LMX1A: variants seen among roughly 807,000 people sequenced by gnomAD.
LMX1A encodes the protein LIM homeobox transcription factor 1 alpha.
Under a neutral mutation model 49.1 loss-of-function variants are expected in LMX1A, and 15 were observed. The ratio of observed to expected loss-of-function variants is 0.31; its 90% confidence interval spans 0.20 to 0.47. The LOEUF (loss-of-function observed/expected upper bound fraction) is 0.47, where lower values mean the gene tolerates loss of function less well. LMX1A is among the 20% of genes least tolerant of loss of function. LMX1A has a pLI of 1.00. For missense variants in LMX1A, 372 were observed against 475.8 expected, an observed-to-expected ratio of 0.78 and a Z score of 2.03; for synonymous variants, 167 against 185.7, an observed-to-expected ratio of 0.90 and a Z score of 0.82.
chr1:165,237,635 A>G (rs549397599), intron 4 of LMX1A, among the ~76,000 whole-genome samples: 5 of 152,316 alleles, frequency 3.3e-5, no homozygotes, highest in African/African-American at 9.6e-5. Flanking sequence ...GCAAACCTGG[A>G]ATTGGAACAC....
Position 165,331,649 on chromosome 1 carries a change from G to A in LMX1A, c.263+21427C>T, listed in dbSNP as rs141910804. On this transcript the variant is annotated intron_variant, in intron 3 of 8. Coordinates refer to ENST00000342310, the MANE Select transcript of LMX1A (RefSeq NM_177398.4). ...ACACAAGGTGGGGCCGGGCACGGTG[G>A]CTCACACCTGTAATCCCAGCATTTT... 1.0e-3 allele frequency among the ~76,000 whole-genome samples: 152 copies of A among 152,322 alleles called. 5 individuals are homozygous for A. In the East Asian group the frequency reaches 0.026, roughly 26 times the overall value.
At chr1:165,252,395 G>A (rs1653093578) in intron 3 of LMX1A, among the ~76,000 whole-genome samples, 1 of 152,160 alleles carries the variant, frequency 6.6e-6, no homozygotes, top group Non-Finnish European at 1.5e-5. Flanking sequence ...AAAATTTAAA[G>A]CAGATCCCTC....
At chr1:165,277,348 T>C (rs998161396) in intron 3 of LMX1A, among the ~76,000 whole-genome samples, 1 of 152,190 alleles carries the variant, frequency 6.6e-6, no homozygotes, top group Non-Finnish European at 1.5e-5. Flanking sequence ...CAGGGCTCAC[T>C]ACCAGGAGCG....
chr1:165,267,944 A>C (rs1653678647), intron 3 of LMX1A, among the ~76,000 whole-genome samples: 1 of 152,210 alleles, frequency 6.6e-6, no homozygotes, highest in Non-Finnish European at 1.5e-5. Flanking sequence ...TGAGTGACAG[A>C]CAGAGGGGGA....
chr1:165,352,303 C>G (rs1186741132), intron 3 of LMX1A, among the ~76,000 whole-genome samples: 1 of 152,204 alleles, frequency 6.6e-6, no homozygotes, highest in Non-Finnish European at 1.5e-5. Flanking sequence ...CGTACCAGAA[C>G]GTTCATGTGG....
intron 4 of LMX1A, among the ~76,000 whole-genome samples, chr1:165,228,524 G>T (rs1652124225): frequency 6.6e-6 from 1 of 152,136 alleles, no homozygotes; most frequent in African/African-American, 2.4e-5. Flanking sequence ...GTTCTTCAGG[G>T]TGACAAAGGA....
At chr1:165,301,138 C>G (rs1027467819) in intron 3 of LMX1A, among the ~76,000 whole-genome samples, 1 of 149,632 alleles carries the variant, frequency 6.7e-6, no homozygotes. Context: ...GGTGAGAACC[C>G]GTGGGGCAGC....
At chr1:165,315,155 C>G (rs1383264947) in intron 3 of LMX1A, among the ~76,000 whole-genome samples, 1 of 152,192 alleles carries the variant, frequency 6.6e-6, no homozygotes, top group Non-Finnish European at 1.5e-5. Flanking sequence ...CCCTTTCATT[C>G]TGTTCTCTAC....
chr1:165,304,230 A>G (rs1371973126), intron 3 of LMX1A, among the ~76,000 whole-genome samples: 1 of 152,194 alleles, frequency 6.6e-6, no homozygotes, highest in Non-Finnish European at 1.5e-5. Context: ...TCATGGGATC[A>G]GAAAGCCCAT....
At chr1:165,283,300 C>G (rs1654206124) in intron 3 of LMX1A, among the ~76,000 whole-genome samples, 1 of 152,208 alleles carries the variant, frequency 6.6e-6, no homozygotes, top group Non-Finnish European at 1.5e-5. Flanking sequence ...TAGTAGCAGG[C>G]TACACCATCT....
chr1:165,242,424 C>T (rs1652687016), intron 4 of LMX1A, among the ~76,000 whole-genome samples: 1 of 149,022 alleles, frequency 6.7e-6, no homozygotes, highest in South Asian at 2.1e-4. Context: ...AAAATGCAAA[C>T]TGGTCTTCAG....
chr1:165,322,693 T>G (rs1035778395), intron 3 of LMX1A, among the ~76,000 whole-genome samples: 1 of 152,134 alleles, frequency 6.6e-6, no homozygotes, highest in African/African-American at 2.4e-5. Flanking sequence ...GTCTGCTTAA[T>G]GGGCACAGAG....
chr1:165,317,296 A>G lies in LMX1A; in HGVS notation c.263+35780T>C, dbSNP rs550085811. ...TAATACATATGCTCCAATGATTCCAACTATGGGATACATGGGAAATACCTG... is the reference window on the plus strand; with the variant it reads ...TAATACATATGCTCCAATGATTCCAGCTATGGGATACATGGGAAATACCTG... On this transcript the variant is annotated intron_variant, in intron 3 of 8. Transcript: ENST00000342310. Among the ~76,000 whole-genome samples, 4 of 152,326 alleles carry G rather than the reference A, an allele frequency of 2.6e-5. No homozygotes were observed. In the East Asian group the frequency reaches 5.8e-4, roughly 22 times the overall value.
chr1:165,320,607 C>T (rs560811847), intron 3 of LMX1A, among the ~76,000 whole-genome samples: 55 of 152,304 alleles, frequency 3.6e-4, no homozygotes, highest in African/African-American at 1.3e-3. Context: ...CTAAAAGAGA[C>T]GTTCATACAT....
intron 3 of LMX1A, among the ~76,000 whole-genome samples, chr1:165,296,695 C>G (rs1219566490): frequency 6.6e-6 from 1 of 152,236 alleles, no homozygotes; most frequent in Non-Finnish European, 1.5e-5. Context: ...GGGCCTCTGC[C>G]CCTTTTCCCT....
intron 3 of LMX1A, among the ~76,000 whole-genome samples, chr1:165,334,860 C>T (rs1235561929): frequency 1.3e-5 from 2 of 148,942 alleles, no homozygotes; most frequent in South Asian, 2.1e-4. Context: ...CTCTGGCCAC[C>T]GTGCCTGGGA....
At chr1:165,287,562 G>T (rs761955360) in intron 3 of LMX1A, among the ~76,000 whole-genome samples, 3 of 151,960 alleles carry the variant, frequency 2.0e-5, no homozygotes, top group Admixed American at 6.6e-5. Context: ...GGTGAAGGTG[G>T]GTCCCTCTGC....
At chr1:165,335,711 TAAGTTC>T (rs1557888417) in intron 3 of LMX1A, among the ~76,000 whole-genome samples, 1 of 152,198 alleles carries the variant, frequency 6.6e-6, no homozygotes, top group South Asian at 2.1e-4. Context: ...GATCACAGTT[TAAGTTC>T]ATCAGTCAGT....
chr1:165,226,876 T>G (rs1652055124), intron 4 of LMX1A, among the ~76,000 whole-genome samples: 1 of 152,216 alleles, frequency 6.6e-6, no homozygotes, highest in Non-Finnish European at 1.5e-5. Flanking sequence ...CATCATGTAT[T>G]CATCTAAACA....
Sources: gnomAD v4.1 joint callset for allele counts (sites outside exome capture counted in the v4.1 genomes callset) on GRCh38, gnomAD v4.1.1 for gene constraint, MANE v1.5 for transcripts, NCBI Gene and HGNC (gene_info 2026-07-23, HGNC 2026-07-21) for gene names.